Variants in APBB2 observed in about 807,000 individuals in gnomAD.
APBB2 encodes Fe65-like 1.
Under a neutral mutation model 82.5 loss-of-function variants are expected in APBB2, and 38 were observed. The observed-to-expected ratio is 0.46, with a 90% confidence interval of 0.36 to 0.60. The LOEUF (loss-of-function observed/expected upper bound fraction) is 0.60, where lower values mean the gene tolerates loss of function less well. Among genes scored for constraint, APBB2 ranks in the 20% least tolerant of loss-of-function variants. The pLI is 0.00. For synonymous variants in APBB2, 341 were observed against 368.2 expected (o/e 0.93, Z 0.85); for missense variants, 772 against 972.3 (o/e 0.79, Z 2.74).
At chr4:41,055,131 G>C (rs1727388778) in intron 4 of APBB2, among the ~76,000 whole-genome samples, 1 of 152,150 alleles carries the variant, frequency 6.6e-6, no homozygotes, top group Admixed American at 6.6e-5. Flanking sequence ...ATACCCCTTG[G>C]TCTGTAATGG....
At chr4:41,189,687 G>C (rs1212847772) in intron 1 of APBB2, among the ~76,000 whole-genome samples, 2 of 152,216 alleles carry the variant, frequency 1.3e-5, no homozygotes, top group Non-Finnish European at 2.9e-5. Flanking sequence ...TCCTGAGGAA[G>C]TCATTAGCTA....
rs1023198093 is a variant in APBB2, at chr4:40,814,684, A to T, written c.*1408T>A. 1 of 152,210 alleles carries T rather than the reference A, an allele frequency of 6.6e-6. No individual in the cohort carries two copies. The highest frequency in any genetic ancestry group is 2.1e-4 in the South Asian group (1 of 4,828). 9.4% of individuals were successfully genotyped at this position (152,210 alleles called of 1,614,324 possible). On this transcript the variant is annotated 3_prime_UTR_variant, in exon 18 of 18. Transcript: ENST00000508593. Reference sequence around the variant, plus strand: ...ACATTAAGAAGAAGTAAACAAGACTAATATTGAGATTGATCGCCTTAGCAA... The same window carrying T: ...ACATTAAGAAGAAGTAAACAAGACTTATATTGAGATTGATCGCCTTAGCAA...
At chr4:40,821,376 C>T (rs1226858231) in intron 17 of APBB2, among the ~76,000 whole-genome samples, 1 of 152,204 alleles carries the variant, frequency 6.6e-6, no homozygotes, top group Non-Finnish European at 1.5e-5. Context: ...CTCTAACTTC[C>T]CTAAAGTCTC....
Position 40,826,372 on chromosome 4 carries a change from C to CGTTT in APBB2, c.1733-406_1733-403dup, listed in dbSNP as rs971645911. 7.3e-6 allele frequency among the ~76,000 whole-genome samples: 1 copy of CGTTT among 136,554 alleles called. No individual in the cohort carries two copies. The highest frequency in any genetic ancestry group is 2.6e-5 in the African/African-American group (1 of 38,034). The allele number at this position is 136,554 out of a possible 152,430, so 89.6% of individuals were successfully genotyped here. A position where few individuals can be genotyped will look rare whatever the true frequency, so the allele number is the denominator to read the frequency against. The stretch of plus-strand genomic sequence containing the variant: ...CTGAGTTCCCCCAGTAATCAACCCA[C>CGTTT]GTTTTTTTTTTTTTAGAGACAAGAG... On this transcript the variant is annotated intron_variant, in intron 14 of 17. Coordinates refer to ENST00000508593, the MANE Select transcript of APBB2 (RefSeq NM_004307.2). This position sits in a 1 kb window ranked among gnomAD's most constrained non-coding sequence, Gnocchi z 4.5.
At chr4:40,954,626 C>G (rs1239976936) in intron 6 of APBB2, among the ~76,000 whole-genome samples, 3 of 152,188 alleles carry the variant, frequency 2.0e-5, no homozygotes, top group Admixed American at 6.5e-5. Context: ...ACAGTCCCCA[C>G]TTTTGAGAAC....
intron 1 of APBB2, among the ~76,000 whole-genome samples, chr4:41,170,213 CT>C (rs201052152): frequency 0.042 from 6,319 of 150,644 alleles, 147 homozygotes; most frequent in Middle Eastern, 0.058. Flanking sequence ...GAAACTATTT[CT>C]TTTTTTCTTT....
At chr4:41,070,932 T>G (rs1271508378) in intron 3 of APBB2, among the ~76,000 whole-genome samples, 1 of 152,242 alleles carries the variant, frequency 6.6e-6, no homozygotes, top group Non-Finnish European at 1.5e-5. Flanking sequence ...GTGTTTAGTG[T>G]GCAGCTTTTT....
At chr4:41,197,846 G>A in intron 1 of APBB2, among the ~76,000 whole-genome samples, 1 of 152,154 alleles carries the variant, frequency 6.6e-6, no homozygotes, top group Non-Finnish European at 1.5e-5. Flanking sequence ...TGAGCTCTAT[G>A]TGGAAAAGAG....
At chr4:41,028,162 T>C (rs1019309465) in intron 5 of APBB2, among the ~76,000 whole-genome samples, 3 of 152,146 alleles carry the variant, frequency 2.0e-5, no homozygotes, top group Non-Finnish European at 4.4e-5. Context: ...TTTTGTGCAC[T>C]ACTCCATGCC....
chr4:41,124,581 G>A (rs1376734858), intron 2 of APBB2, among the ~76,000 whole-genome samples: 1 of 152,128 alleles, frequency 6.6e-6, no homozygotes, highest in Non-Finnish European at 1.5e-5. Flanking sequence ...GTGGCAAGCT[G>A]GATTTGGCCT....
intron 1 of APBB2, among the ~76,000 whole-genome samples, 182 bp downstream of exon 1, chr4:41,214,223 G>T (rs993667856): frequency 6.6e-6 from 1 of 152,192 alleles, no homozygotes; most frequent in Non-Finnish European, 1.5e-5. Context: ...GCTGCTGCAG[G>T]TGTGGCTGCG....
intron 12 of APBB2, among the ~76,000 whole-genome samples, chr4:40,879,515 A>G (rs1767824595): frequency 6.6e-6 from 1 of 152,210 alleles, no homozygotes; most frequent in South Asian, 2.1e-4. Flanking sequence ...TTTGAAGGGC[A>G]GCATCAAATA....
intron 2 of APBB2, among the ~76,000 whole-genome samples, chr4:41,103,580 C>G (rs1301680376): frequency 6.6e-6 from 1 of 151,452 alleles, no homozygotes; most frequent in Non-Finnish European, 1.5e-5. Context: ...AGAAAGTAGA[C>G]TATAATGTAA....
chr4:40,946,233 A>AG, intron 6 of APBB2, among the ~76,000 whole-genome samples: 2 of 12,054 alleles, frequency 1.7e-4, no homozygotes, highest in Non-Finnish European at 2.9e-4. Flanking sequence ...CTCTATCTCC[A>AG]AAAAAAAAAA....
At chr4:41,196,644 A>C in intron 1 of APBB2, among the ~76,000 whole-genome samples, 1 of 146,120 alleles carries the variant, frequency 6.8e-6, no homozygotes, top group African/African-American at 2.6e-5. Context: ...GAGGCTTAGA[A>C]GGTTTGACCA....
chr4:40,851,188 A>G (rs2154324556), intron 12 of APBB2, among the ~76,000 whole-genome samples: 1 of 152,316 alleles, frequency 6.6e-6, no homozygotes, highest in Middle Eastern at 3.4e-3. Flanking sequence ...ATGGTAGAAT[A>G]ATTCTCGTTA....
chr4:40,867,958 G>C (rs879830170), intron 12 of APBB2, among the ~76,000 whole-genome samples: 1 of 150,896 alleles, frequency 6.6e-6, no homozygotes, highest in Non-Finnish European at 1.5e-5. Context: ...CCTCCTCCTA[G>C]GGTCTTGAAA....
In APBB2 at chr4:40,861,828, T is replaced by C. The variant is rs145013412; in HGVS notation, c.1529+28536A>G. Among the ~76,000 whole-genome samples, 3 of 151,874 alleles carry C rather than the reference T, an allele frequency of 2.0e-5. No individual in the cohort carries two copies. The East Asian group carries it at 5.8e-4, about 29-fold the overall frequency. On this transcript the variant is annotated intron_variant, in intron 12 of 17. Transcript: ENST00000508593. ...GTTCTATTGTTTTCTTTTTTCTTTC[T>C]AAAAATAAAAATGTTACTCAGGATT...
chr4:41,158,093 C>CA (rs1242107593), intron 1 of APBB2, among the ~76,000 whole-genome samples: 6 of 151,594 alleles, frequency 4.0e-5, no homozygotes, highest in East Asian at 1.9e-4. Context: ...TTCGTGGGGA[C>CA]AAAAAAAATG....
Sources: gnomAD v4.1 joint callset for allele counts (sites outside exome capture counted in the v4.1 genomes callset) on GRCh38, gnomAD v4.1.1 for gene constraint, Gnocchi (gnomAD v3.1) non-coding constraint, MANE v1.5 for transcripts, NCBI Gene and HGNC (gene_info 2026-07-23, HGNC 2026-07-21) for gene names.